Variants in GCFC2 observed in about 807,000 individuals in gnomAD.
GCFC2 encodes the protein GC-rich sequence DNA-binding factor 2.
Under a neutral mutation model 99.4 loss-of-function variants are expected in GCFC2, and 102 were observed. The ratio of observed to expected loss-of-function variants is 1.03; its 90% CI spans 0.87 to 1.21. The LOEUF is 1.21. GCFC2 is among the 50% of genes most tolerant of loss of function. The pLI is 0.00. For missense variants in GCFC2, 973 were observed against 920.9 expected (o/e 1.06, Z -0.73); for synonymous variants, 338 against 316.8 (o/e 1.07, Z -0.71).
intron 6 of GCFC2, among the ~76,000 whole-genome samples, chr2:75,693,855 A>G (rs1680192158): frequency 6.6e-6 from 1 of 152,156 alleles, no homozygotes; most frequent in African/African-American, 2.4e-5. Flanking sequence ...ATATGTAAAA[A>G]CAAAATCCAT....
In GCFC2 at chr2:75,666,014, C is replaced by A; in HGVS notation, c.2143G>T (p.Ala715Ser). The part of the protein sequence containing the change: ...CLPEKWFENS[A>S]MRTSIPQLEN... ...AGCTGTGGAATAGATGTCCTCATGGCAGAATTTTCAAACCATTTTTCTGGT... is the reference window on the plus strand; with the variant it reads ...AGCTGTGGAATAGATGTCCTCATGGAAGAATTTTCAAACCATTTTTCTGGT... The change falls in exon 16 of 17, where the codon GCC (alanine) becomes TCC (serine). Residue 715 changes from alanine (A) to serine (S), a missense_variant. By Grantham distance (99) the Ala-to-Ser change is moderately conservative (BLOSUM62 1). Transcript: ENST00000321027. The A allele has an allele frequency of 6.2e-7, 1 of 1,606,112 alleles. No individual in the cohort carries two copies. Among genetic ancestry groups the A allele is most frequent in the South Asian group, 1.1e-5 (1 of 90,334 alleles).
intron 14 of GCFC2, chr2:75,670,752 T>A (rs768326239): frequency 6.5e-6 from 1 of 153,372 alleles, no homozygotes; most frequent in Non-Finnish European, 1.5e-5. Flanking sequence ...ATAACTTGGA[T>A]TAAGTAACCA....
Position 75,674,798 on chromosome 2 carries a change from C to T in GCFC2, c.1813-1278G>A, listed in dbSNP as rs532641148. On this transcript the variant is annotated intron_variant, in intron 12 of 16. Coordinates refer to ENST00000321027, the MANE Select transcript of GCFC2 (RefSeq NM_003203.5). ...TTTCTTAAAAAGCATGACCTGAAGTCGTTTCTCTTTCCACTTAATTATCTA... is the reference window on the plus strand; with the variant it reads ...TTTCTTAAAAAGCATGACCTGAAGTTGTTTCTCTTTCCACTTAATTATCTA... Among the ~76,000 whole-genome samples the T allele has an allele frequency of 2.0e-4, 31 of 152,230 alleles. 1 individual carries two copies. The South Asian group carries it at 6.0e-3, about 30-fold the overall frequency.
At position 75,674,055 on chromosome 2, in the gene GCFC2, A is replaced by G. The variant is rs112893907; in HGVS notation, c.1813-535T>C. On this transcript the variant is annotated intron_variant, in intron 12 of 16. Transcript: ENST00000321027. ...TTGCAATTATAGTGGGTATGCAGTCATATTTCATTTTGTTGTTTTAATTCT... is the reference window on the plus strand; with the variant it reads ...TTGCAATTATAGTGGGTATGCAGTCGTATTTCATTTTGTTGTTTTAATTCT... 2.5e-3 allele frequency among the ~76,000 whole-genome samples: 384 copies of G among 152,306 alleles called. 3 individuals are homozygous for G. The highest frequency in any genetic ancestry group is 8.8e-3 in the African/African-American group (366 of 41,568).
Position 75,672,922 on chromosome 2 carries a change from G to A in GCFC2, c.1889+522C>T, listed in dbSNP as rs545896544. Reference sequence around the variant, plus strand: ...CCAACCAAACAAAATTCATCTAAGCGCCAAGATAAAGCACGGCTTTATGTA... The same window carrying A: ...CCAACCAAACAAAATTCATCTAAGCACCAAGATAAAGCACGGCTTTATGTA... On this transcript the variant is annotated intron_variant, in intron 13 of 16. Coordinates refer to ENST00000321027, the MANE Select transcript of GCFC2 (RefSeq NM_003203.5). Among the ~76,000 whole-genome samples, 5 of 152,258 alleles carry A rather than the reference G, an allele frequency of 3.3e-5. No individual in the cohort carries two copies. The East Asian group carries it at 5.8e-4, about 18-fold the overall frequency.
chr2:75,691,075 A>G (rs982277106), intron 7 of GCFC2, among the ~76,000 whole-genome samples: 4 of 152,202 alleles, frequency 2.6e-5, no homozygotes, highest in African/African-American at 9.6e-5. Context: ...TTGCCAATAC[A>G]GGAGTCCCCC....
At chr2:75,702,752 T>C (rs998944767) in intron 2 of GCFC2, among the ~76,000 whole-genome samples, 1 of 152,172 alleles carries the variant, frequency 6.6e-6, no homozygotes, top group African/African-American at 2.4e-5. Flanking sequence ...AGCTCTGAGA[T>C]TGTCAGCGCA....
chr2:75,685,202 T>C (rs1336763886), intron 11 of GCFC2, among the ~76,000 whole-genome samples: 3 of 152,134 alleles, frequency 2.0e-5, no homozygotes, highest in Non-Finnish European at 4.4e-5. Flanking sequence ...GAACTTAAAG[T>C]ATAATAATAA....
At chr2:75,670,620 A>G (rs1484229171) in intron 14 of GCFC2, 3 of 171,220 alleles carry the variant, frequency 1.8e-5, no homozygotes, top group African/African-American at 7.1e-5. Context: ...CACGTGATTC[A>G]TAAAGAACTA....
intron 12 of GCFC2, chr2:75,679,894 T>C (rs1679492068): frequency 2.4e-6 from 1 of 414,938 alleles, no homozygotes; most frequent in East Asian, 3.5e-5. Context: ...GGTCCTTACA[T>C]GTATGTCTAT....
intron 6 of GCFC2, among the ~76,000 whole-genome samples, chr2:75,692,490 T>C (rs1326148818): frequency 6.6e-6 from 1 of 151,622 alleles, no homozygotes; most frequent in Admixed American, 6.6e-5. Context: ...CTACTAACAG[T>C]ACAAAAATTA....
intron 12 of GCFC2, among the ~76,000 whole-genome samples, chr2:75,674,326 C>G (rs1411085646): frequency 6.6e-6 from 1 of 151,994 alleles, no homozygotes; most frequent in Non-Finnish European, 1.5e-5. Context: ...TGGAAATGAC[C>G]AAACTATTCA....
chr2:75,673,427 A>C lies in GCFC2; in HGVS notation c.1889+17T>G. The stretch of plus-strand genomic sequence containing the variant: ...TGATCAGCTATTTCCAACAATCTAG[A>C]AATTAACAGCGCTTACCTCTTTGGA... On this transcript the variant is annotated intron_variant, in intron 13 of 16. Transcript: ENST00000321027. 1 of 1,127,008 alleles carries C rather than the reference A, an allele frequency of 8.9e-7. No homozygotes were observed. The highest frequency in any genetic ancestry group is 1.4e-6 in the Non-Finnish European group (1 of 739,814). 69.8% of individuals were successfully genotyped at this position (1,127,008 alleles called of 1,614,324 possible).
At chr2:75,700,228 T>C (rs932035715) in intron 4 of GCFC2, among the ~76,000 whole-genome samples, 2 of 152,198 alleles carry the variant, frequency 1.3e-5, no homozygotes, top group Non-Finnish European at 2.9e-5. Flanking sequence ...CCCCTATTGT[T>C]GGATATTTAC....
intron 11 of GCFC2, among the ~76,000 whole-genome samples, chr2:75,681,472 G>C (rs1404561399): frequency 6.6e-6 from 1 of 151,952 alleles, no homozygotes; most frequent in Non-Finnish European, 1.5e-5. Context: ...ACCCCACCAG[G>C]GCTGTGGGTT....
At chr2:75,701,583 G>A (rs1680592814) in intron 3 of GCFC2, among the ~76,000 whole-genome samples, 1 of 152,066 alleles carries the variant, frequency 6.6e-6, no homozygotes, top group South Asian at 2.1e-4. Context: ...AAACACTATA[G>A]CCCTATATTG....
rs1273331767 is a variant in GCFC2, at chr2:75,710,798, C to T, written c.58G>A (p.Asp20Asn). 1 of 1,578,018 alleles carries T rather than the reference C, an allele frequency of 6.3e-7. No individual in the cohort carries two copies. The highest frequency in any genetic ancestry group is 1.7e-5 in the Admixed American group (1 of 57,808). ...RQRAADSSDS[D>N]GAEESPAEPG... Reference sequence around the variant, plus strand: ...TCAGCAGGCGACTCCTCGGCGCCATCGCTGTCGCTGGAATCAGCCGCGCGC... The same window carrying T: ...TCAGCAGGCGACTCCTCGGCGCCATTGCTGTCGCTGGAATCAGCCGCGCGC... Residue 20 changes from aspartate (D) to asparagine (N), a missense_variant, in exon 1 of 17, where the codon GAT (aspartate) becomes AAT (asparagine). By Grantham distance (23) the Asp-to-Asn change is conservative (BLOSUM62 1). Transcript: ENST00000321027.
In GCFC2 at chr2:75,689,891, A is replaced by C. The variant is rs999808087; in HGVS notation, c.1339+78T>G. On this transcript the variant is annotated intron_variant, in intron 9 of 16. Coordinates refer to ENST00000321027, the MANE Select transcript of GCFC2 (RefSeq NM_003203.5). ...ACTGTTTTATATAGCTTATGTACTT[A>C]TTAAGGGCAATCCCAGCAAAGTGTT... 7 of 759,634 alleles carry C rather than the reference A, an allele frequency of 9.2e-6. No homozygotes were observed. The African/African-American group carries it at 1.2e-4, about 13-fold the overall frequency. The allele number at this position is 759,634 out of a possible 1,614,324, so 47.1% of individuals were successfully genotyped here. A position where few individuals can be genotyped will look rare whatever the true frequency, so the allele number is the denominator to read the frequency against.
chr2:75,685,997 C>G lies in GCFC2; in HGVS notation c.1690+1830G>C, dbSNP rs73936801. Among the ~76,000 whole-genome samples the G allele has an allele frequency of 5.2e-3, 792 of 152,306 alleles. 6 individuals carry two copies. Among genetic ancestry groups the G allele is most frequent in the African/African-American group, 0.018 (730 of 41,578 alleles). On this transcript the variant is annotated intron_variant, in intron 11 of 16. Transcript: ENST00000321027. ...TCTTGCTGCACAACCAATCCATTAG[C>G]ACATTCTGTTAGTGCTATCTTTGAA...
Sources: gnomAD v4.1 joint callset for allele counts (sites outside exome capture counted in the v4.1 genomes callset) on GRCh38, gnomAD v4.1.1 for gene constraint, MANE v1.5 for transcripts, NCBI Gene and HGNC (gene_info 2026-07-23, HGNC 2026-07-21) for gene names.